XPR1: variants seen among roughly 807,000 people sequenced by gnomAD.
XPR1 encodes the protein xenotropic and polytropic retrovirus receptor 1, also known as solute carrier family 53 member 1.
XPR1 carries 28 observed loss-of-function variants against 87.5 expected under a neutral mutation model. That is an observed-to-expected ratio of 0.32 (90% CI 0.24 to 0.44). The LOEUF is 0.44. Ranked by LOEUF, XPR1 falls within the 20% of genes least tolerant of loss-of-function variation. The pLI is 1.00. For missense variants in XPR1, 559 were observed against 862.3 expected (o/e 0.65, Z 4.41); for synonymous variants, 300 against 306.1 (o/e 0.98, Z 0.21).
Position 180,806,227 on chromosome 1 carries a change from T to TTA in XPR1, c.597+18_597+19dup, listed in dbSNP as rs1363158294. On this transcript the variant is annotated intron_variant, in intron 5 of 14. Transcript: ENST00000367590. The stretch of plus-strand genomic sequence containing the variant: ...TGAAACTGAGGTACAATAATCTCGT[T>TTA]TATTTACAACGTATTTTCAGTTACA... The TTA allele has an allele frequency of 6.2e-6, 10 of 1,608,204 alleles. No individual in the cohort carries two copies. The highest frequency in any genetic ancestry group is 7.7e-6 in the Non-Finnish European group (9 of 1,176,198).
At chr1:180,861,658 A>G (rs765460411) in intron 11 of XPR1, among the ~76,000 whole-genome samples, 10 of 152,032 alleles carry the variant, frequency 6.6e-5, no homozygotes, top group Non-Finnish European at 1.3e-4. Context: ...TGGGCTATTC[A>G]TGAGAATCAC....
intron 1 of XPR1, among the ~76,000 whole-genome samples, chr1:180,669,540 T>C (rs1435049542): frequency 6.6e-6 from 1 of 151,978 alleles, no homozygotes; most frequent in Non-Finnish European, 1.5e-5. Context: ...TGCACCACCA[T>C]TTAGTAGAGA....
intron 11 of XPR1, among the ~76,000 whole-genome samples, chr1:180,850,829 C>T (rs1651841721): frequency 6.6e-6 from 1 of 152,016 alleles, no homozygotes; most frequent in Admixed American, 6.6e-5. Flanking sequence ...TGTCGTGGTA[C>T]ACACCTGTAT....
chr1:180,822,341 C>G (rs934945745), intron 7 of XPR1, among the ~76,000 whole-genome samples: 1 of 152,192 alleles, frequency 6.6e-6, no homozygotes, highest in Admixed American at 6.5e-5. Context: ...CGTCTTCCCC[C>G]AAACATCCCA....
rs781052980 is a variant in XPR1, at chr1:180,669,004, G to A, written c.70-13356G>A. 3.3e-5 allele frequency among the ~76,000 whole-genome samples: 5 copies of A among 151,314 alleles called. No individual in the cohort carries two copies. The South Asian group carries it at 6.3e-4, about 19-fold the overall frequency. ...CTTGGGAGGCTGAGGCAGGAGAATC[G>A]CTTGAACCCGGGAGGCAGAGGTTGC... is the stretch of plus-strand genomic sequence containing the variant. On this transcript the variant is annotated intron_variant, in intron 1 of 14. Transcript: ENST00000367590.
intron 1 of XPR1, among the ~76,000 whole-genome samples, chr1:180,654,307 C>T (rs1655381279): frequency 6.6e-6 from 1 of 152,046 alleles, no homozygotes; most frequent in Non-Finnish European, 1.5e-5. Flanking sequence ...CAGATCTAAT[C>T]ACCTCTTCTC....
At chr1:180,741,396 T>C (rs962751543) in intron 2 of XPR1, among the ~76,000 whole-genome samples, 8 of 151,818 alleles carry the variant, frequency 5.3e-5, no homozygotes, top group African/African-American at 1.9e-4. Context: ...GAACTCCTGA[T>C]CTCGGGTGAT....
intron 2 of XPR1, among the ~76,000 whole-genome samples, chr1:180,750,528 G>A (rs1279169350): frequency 1.3e-5 from 2 of 152,098 alleles, no homozygotes; most frequent in Admixed American, 6.5e-5. Context: ...TGAGCATTTT[G>A]TAGGAAATCC....
intron 3 of XPR1, among the ~76,000 whole-genome samples, chr1:180,792,456 A>G (rs1474727549): frequency 6.6e-6 from 1 of 152,164 alleles, no homozygotes; most frequent in African/African-American, 2.4e-5. Context: ...CTTGCTTATA[A>G]AACAAACAGA....
chr1:180,828,342 G>T (rs1257216379), intron 9 of XPR1, among the ~76,000 whole-genome samples: 2 of 152,038 alleles, frequency 1.3e-5, no homozygotes, highest in East Asian at 1.9e-4. Context: ...TATGAATATT[G>T]TATGTCAAAT....
chr1:180,667,648 GT>G (rs1239470721), intron 1 of XPR1, among the ~76,000 whole-genome samples: 3 of 152,100 alleles, frequency 2.0e-5, no homozygotes, highest in South Asian at 2.1e-4. Flanking sequence ...CTCCTGTTCA[GT>G]TTTTTGGAAA....
chr1:180,796,206 A>C (rs1448704319), intron 3 of XPR1, among the ~76,000 whole-genome samples: 5 of 152,184 alleles, frequency 3.3e-5, no homozygotes, highest in Admixed American at 1.3e-4. Context: ...GGTTCTGTGC[A>C]GTCCCATGTG....
intron 11 of XPR1, among the ~76,000 whole-genome samples, chr1:180,849,064 C>G: frequency 6.6e-6 from 1 of 152,124 alleles, no homozygotes; most frequent in Non-Finnish European, 1.5e-5. Flanking sequence ...TAATATGTCA[C>G]TCTGTATCTT....
intron 1 of XPR1, among the ~76,000 whole-genome samples, chr1:180,646,832 G>C (rs1011154605): frequency 2.0e-5 from 3 of 152,150 alleles, no homozygotes; most frequent in African/African-American, 7.2e-5. Flanking sequence ...GTTGGATTCT[G>C]ACTTAAAGCC....
At position 180,758,330 on chromosome 1, in the gene XPR1, C is replaced by G. The variant is rs931436479; in HGVS notation, c.122-29423C>G. On this transcript the variant is annotated intron_variant, in intron 2 of 14. Transcript: ENST00000367590. Reference sequence around the variant, plus strand: ...AAATAAGGAATAGATTTGTGGTTACCAGAGACGGGGAAGGGGAGGAGGGGA... The same window carrying G: ...AAATAAGGAATAGATTTGTGGTTACGAGAGACGGGGAAGGGGAGGAGGGGA... Among the ~76,000 whole-genome samples, 3 of 151,972 alleles carry G rather than the reference C, an allele frequency of 2.0e-5. No homozygotes were observed. In the East Asian group the frequency reaches 5.8e-4, roughly 29 times the overall value.
chr1:180,650,387 C>T, intron 1 of XPR1, among the ~76,000 whole-genome samples: 1 of 152,150 alleles, frequency 6.6e-6, no homozygotes, highest in East Asian at 1.9e-4. Flanking sequence ...AGGTGCACAG[C>T]ACTATGCCTG....
At chr1:180,827,676 A>G (rs2102156095) in intron 9 of XPR1, among the ~76,000 whole-genome samples, 1 of 152,308 alleles carries the variant, frequency 6.6e-6, no homozygotes, top group East Asian at 1.9e-4. Flanking sequence ...TGTTATAAAC[A>G]GAACAGTGTT....
chr1:180,841,561 T>C (rs1008492280), intron 11 of XPR1, among the ~76,000 whole-genome samples: 5 of 152,216 alleles, frequency 3.3e-5, no homozygotes, highest in Admixed American at 2.6e-4. Context: ...AGAGCTGCTA[T>C]ATGTGTGTCT....
At chr1:180,742,603 T>C (rs1658957734) in intron 2 of XPR1, among the ~76,000 whole-genome samples, 1 of 152,100 alleles carries the variant, frequency 6.6e-6, no homozygotes, top group South Asian at 2.1e-4. Flanking sequence ...GTATGTATAT[T>C]CTGGTGGCGT....
Sources: allele counts gnomAD v4.1 joint callset (sites outside exome capture counted in the v4.1 genomes callset), GRCh38; gene constraint gnomAD v4.1.1; transcripts MANE v1.5; gene names NCBI Gene and HGNC (gene_info 2026-07-23, HGNC 2026-07-21).